Variants in ZBTB44 observed in about 807,000 individuals in gnomAD.
The protein encoded by ZBTB44 is zinc finger and BTB domain containing 44, also known as zinc finger and BTB domain-containing protein 44.
ZBTB44 carries 15 observed loss-of-function variants against 54.0 expected under a neutral mutation model. The observed-to-expected ratio is 0.28, with a 90% CI of 0.19 to 0.43. The LOEUF (loss-of-function observed/expected upper bound fraction) is 0.43. Ranked by LOEUF, ZBTB44 falls within the 20% of genes least tolerant of loss-of-function variation. The pLI, the probability that ZBTB44 is intolerant of heterozygous loss-of-function variation, is 1.00. For missense variants in ZBTB44, 487 were observed against 707.1 expected, an observed-to-expected ratio of 0.69 and a Z score of 3.53; for synonymous variants, 230 against 250.1, an observed-to-expected ratio of 0.92 and a Z score of 0.76.
In ZBTB44 at chr11:130,227,019, T is replaced by C. The variant is rs941667678; in HGVS notation, c.*4745A>G. On this transcript the variant is annotated 3_prime_UTR_variant, in exon 8 of 8. Coordinates refer to ENST00000357899, the MANE Select transcript of ZBTB44 (RefSeq NM_001301098.2). ...CAAACACTATAGGCTCAGAACAGATTTGAAAAAACATGATATTCACATTGA... is the reference window on the plus strand; with the variant it reads ...CAAACACTATAGGCTCAGAACAGATCTGAAAAAACATGATATTCACATTGA... 2.0e-5 allele frequency: 3 copies of C among 152,142 alleles called. No individual in the cohort carries two copies. Among genetic ancestry groups the C allele is most frequent in the East Asian group, 1.9e-4 (1 of 5,200 alleles). The allele number at this position is 152,142 out of a possible 1,614,324, so 9.4% of individuals were successfully genotyped here. A position where few individuals can be genotyped will look rare whatever the true frequency, so the allele number is the denominator to read the frequency against.
intron 1 of ZBTB44, among the ~76,000 whole-genome samples, chr11:130,311,041 A>C (rs1425301760): frequency 6.6e-6 from 1 of 152,266 alleles, no homozygotes; most frequent in Non-Finnish European, 1.5e-5. Context: ...AAAGTATTTC[A>C]AGTGACTTTT....
At chr11:130,242,002 TAATA>T (rs1291621940) in intron 2 of ZBTB44, among the ~76,000 whole-genome samples, 1 of 152,226 alleles carries the variant, frequency 6.6e-6, no homozygotes, top group Non-Finnish European at 1.5e-5. Flanking sequence ...TGTAGCTTTA[TAATA>T]AATCTTGCTA....
chr11:130,257,637 T>A (rs190086994), intron 2 of ZBTB44, among the ~76,000 whole-genome samples: 16 of 152,276 alleles, frequency 1.1e-4, no homozygotes, highest in African/African-American at 3.4e-4. Flanking sequence ...GGCCTCTGAC[T>A]ATGAGAGAAT....
At chr11:130,306,062 C>T (rs907196637) in intron 1 of ZBTB44, among the ~76,000 whole-genome samples, 2 of 152,114 alleles carry the variant, frequency 1.3e-5, no homozygotes, top group Non-Finnish European at 1.5e-5. Context: ...TTAGATACTA[C>T]CTTACTCCTG....
At chr11:130,260,777 A>G in intron 2 of ZBTB44, 79 bp downstream of exon 2, 1 of 1,474,286 alleles carries the variant, frequency 6.8e-7, no homozygotes, top group Non-Finnish European at 9.0e-7. Context: ...GACCGAGCAC[A>G]AAACTTTTTA....
At chr11:130,308,183 A>G (rs886314172) in intron 1 of ZBTB44, among the ~76,000 whole-genome samples, 3 of 152,226 alleles carry the variant, frequency 2.0e-5, no homozygotes, top group Non-Finnish European at 2.9e-5. Flanking sequence ...TATAACCTAG[A>G]TGTAGAGTAG....
chr11:130,293,642 AAG>A (rs888531597), intron 1 of ZBTB44, among the ~76,000 whole-genome samples: 2 of 151,034 alleles, frequency 1.3e-5, no homozygotes, highest in Non-Finnish European at 2.9e-5. Context: ...AAAAAAAAGA[AAG>A]AAATTAGCTG....
intron 2 of ZBTB44, among the ~76,000 whole-genome samples, chr11:130,257,540 G>A (rs1938539154): frequency 1.3e-5 from 2 of 152,186 alleles, no homozygotes; most frequent in Admixed American, 6.5e-5. Context: ...GCCACAGGCT[G>A]GAAGAGACAA....
intron 1 of ZBTB44, among the ~76,000 whole-genome samples, chr11:130,268,797 C>A (rs895066912): frequency 6.6e-6 from 1 of 150,720 alleles, no homozygotes; most frequent in Non-Finnish European, 1.5e-5. Flanking sequence ...CCAGGCTGGT[C>A]TCGAACTCCT....
chr11:130,258,429 A>C (rs17139164), intron 2 of ZBTB44, among the ~76,000 whole-genome samples: 9,527 of 152,270 alleles, frequency 0.063, 745 homozygotes, highest in African/African-American at 0.18. Context: ...TGTCTCTGTA[A>C]AACCAAACTC....
chr11:130,232,405 A>T (rs1953909129), intron 7 of ZBTB44: 1 of 152,206 alleles, frequency 6.6e-6, no homozygotes, highest in Non-Finnish European at 1.5e-5. Context: ...CTTTAATGGC[A>T]CCAGATGAAA....
At position 130,230,575 on chromosome 11, in the gene ZBTB44, TAAA is replaced by T. The variant is rs61380912; in HGVS notation, c.*1186_*1188del. ...GTATATTTTGTCTTACTGAAATTGA[TAAA>T]AAAAAAAAACTGGCAATGTAACTAA... On this transcript the variant is annotated 3_prime_UTR_variant, in exon 8 of 8. Coordinates refer to ENST00000357899, the MANE Select transcript of ZBTB44 (RefSeq NM_001301098.2). 1.1e-4 allele frequency: 16 copies of T among 142,802 alleles called. No homozygotes were observed. Among genetic ancestry groups the T allele is most frequent in the African/African-American group, 3.0e-4 (12 of 39,576 alleles). The allele number at this position is 142,802 out of a possible 1,614,324, so 8.8% of individuals were successfully genotyped here. A position where few individuals can be genotyped will look rare whatever the true frequency, so the allele number is the denominator to read the frequency against.
At chr11:130,255,048 G>A (rs189083382) in intron 2 of ZBTB44, among the ~76,000 whole-genome samples, 5,908 of 138,772 alleles carry the variant, frequency 0.043, 297 homozygotes, top group African/African-American at 0.12. Flanking sequence ...CACAGGAAGG[G>A]GAACATCACA....
chr11:130,311,607 A>G (rs1373075780), intron 1 of ZBTB44, among the ~76,000 whole-genome samples: 2 of 152,198 alleles, frequency 1.3e-5, no homozygotes, highest in African/African-American at 2.4e-5. Flanking sequence ...AGGAATTGGA[A>G]TATCACTCTG....
At chr11:130,287,701 T>C (rs1454977208) in intron 1 of ZBTB44, among the ~76,000 whole-genome samples, 1 of 152,064 alleles carries the variant, frequency 6.6e-6, no homozygotes, top group Non-Finnish European at 1.5e-5. Context: ...GAGAAGGAAA[T>C]AATGATTGGA....
chr11:130,273,846 A>T lies in ZBTB44; in HGVS notation c.-56-11917T>A, dbSNP rs572930714. Among the ~76,000 whole-genome samples, 16 of 152,206 alleles carry T rather than the reference A, an allele frequency of 1.1e-4. No homozygotes were observed. In the East Asian group the frequency reaches 3.1e-3, roughly 29 times the overall value. Reference sequence around the variant, plus strand: ...CACTTTGGGAGGCTGAGGCAGGTGGATCACTTGAGGCCAGGAGTTCGAGAC... The same window carrying T: ...CACTTTGGGAGGCTGAGGCAGGTGGTTCACTTGAGGCCAGGAGTTCGAGAC... On this transcript the variant is annotated intron_variant, in intron 1 of 7. Transcript: ENST00000357899.
At chr11:130,280,404 G>C (rs142341092) in intron 1 of ZBTB44, among the ~76,000 whole-genome samples, 94 of 152,186 alleles carry the variant, frequency 6.2e-4, no homozygotes, top group African/African-American at 2.1e-3. Flanking sequence ...CTCATCAAGT[G>C]AAACAATTCT....
chr11:130,238,792 TG>T (rs1182132519), intron 3 of ZBTB44, 185 bp from the exon 4 acceptor site: 37 of 670,250 alleles, frequency 5.5e-5, no homozygotes, highest in Middle Eastern at 4.4e-4. Flanking sequence ...GAATGCCTTT[TG>T]TTTTTTTTTT....
At chr11:130,266,752 G>A (rs573583700) in intron 1 of ZBTB44, among the ~76,000 whole-genome samples, 12 of 152,334 alleles carry the variant, frequency 7.9e-5, no homozygotes, top group African/African-American at 2.9e-4. Context: ...AATGGAGTCT[G>A]AATTGCTGCA....
Sources: gnomAD v4.1 joint callset for allele counts (sites outside exome capture counted in the v4.1 genomes callset) on GRCh38, gnomAD v4.1.1 for gene constraint, MANE v1.5 for transcripts, NCBI Gene and HGNC (gene_info 2026-07-23, HGNC 2026-07-21) for gene names.